NXPE1: variants seen among roughly 807,000 people sequenced by gnomAD.
NXPE1 encodes NXPE family member 1.
A neutral mutation model predicts 33.3 loss-of-function variants in NXPE1; 31 were observed. That is an observed-to-expected ratio of 0.93 (90% CI 0.70 to 1.26). The LOEUF (loss-of-function observed/expected upper bound fraction) is 1.26. NXPE1 is among the 50% of genes most tolerant of loss of function. NXPE1 has a pLI of 0.00. For synonymous variants in NXPE1, 229 were observed against 231.4 expected, an observed-to-expected ratio of 0.99 and a Z score of 0.09; for missense variants, 661 against 655.6, an observed-to-expected ratio of 1.01 and a Z score of -0.09.
At chr11:114,528,986 C>T (rs117479043) in intron 6 of NXPE1, 3 of 427,660 alleles carry the variant, frequency 7.0e-6, no homozygotes, top group African/African-American at 5.9e-5. Flanking sequence ...AGAAGGGAGC[C>T]AGGGACTATA....
At chr11:114,555,040 C>CT (rs763356888) in intron 1 of NXPE1, among the ~76,000 whole-genome samples, 465 of 143,522 alleles carry the variant, frequency 3.2e-3, no homozygotes, top group African/African-American at 9.2e-3. Flanking sequence ...CTTGGGAGTC[C>CT]TTTTTTTTTT....
downstream of NXPE1, among the ~76,000 whole-genome samples, chr11:114,521,245 C>T (rs7103804): frequency 1.4e-3 from 212 of 152,324 alleles, no homozygotes; most frequent in African/African-American, 4.8e-3. Context: ...ACTCCACTTA[C>T]GACACATGAG....
At chr11:114,558,830 C>T (rs1591314575) in intron 1 of NXPE1, among the ~76,000 whole-genome samples, 1 of 152,162 alleles carries the variant, frequency 6.6e-6, no homozygotes. Flanking sequence ...ATTCTGGATA[C>T]ATCACAGAGG....
chr11:114,537,664 G>T (rs1442122438), intron 5 of NXPE1, among the ~76,000 whole-genome samples: 1 of 152,078 alleles, frequency 6.6e-6, no homozygotes, highest in Non-Finnish European at 1.5e-5. Flanking sequence ...CAAATCATGA[G>T]TGAACTCCCA....
intron 1 of NXPE1, among the ~76,000 whole-genome samples, chr11:114,553,152 C>T (rs1387188067): frequency 1.3e-5 from 2 of 152,130 alleles, no homozygotes; most frequent in African/African-American, 4.8e-5. Flanking sequence ...GTTCTTTCCT[C>T]AATCGTTTTC....
intron 5 of NXPE1, among the ~76,000 whole-genome samples, chr11:114,536,436 G>C (rs1332030085): frequency 6.6e-6 from 1 of 152,172 alleles, no homozygotes; most frequent in African/African-American, 2.4e-5. Flanking sequence ...TAAGATCAGA[G>C]CAGGACTGAA....
In NXPE1 at chr11:114,532,259, GA is replaced by G. The variant is rs201814693; in HGVS notation, c.100-1352del. Reference sequence around the variant, plus strand: ...TGAACAGAACCCACATTGAAGTTTTGAAAAAACCTTGGCAAAGCCAAAAGAC... The same window carrying G: ...TGAACAGAACCCACATTGAAGTTTTGAAAAACCTTGGCAAAGCCAAAAGAC... On this transcript the variant is annotated intron_variant, in intron 5 of 8. Coordinates refer to ENST00000534921, the Ensembl canonical transcript of NXPE1. Among the ~76,000 whole-genome samples the G allele has an allele frequency of 5.5e-3, 831 of 152,210 alleles. 16 individuals carry two copies. Among genetic ancestry groups the G allele is most frequent in the African/African-American group, 0.019 (798 of 41,544 alleles).
At chr11:114,529,610 C>G (rs1335958203) in intron 6 of NXPE1, 1 of 153,396 alleles carries the variant, frequency 6.5e-6, no homozygotes, top group East Asian at 1.9e-4. Context: ...AAGAAGGACT[C>G]CTCCACCCTG....
intron 5 of NXPE1, among the ~76,000 whole-genome samples, chr11:114,549,638 A>G (rs893027236): frequency 5.9e-5 from 9 of 152,098 alleles, no homozygotes; most frequent in African/African-American, 1.9e-4. Flanking sequence ...TACTTAAGGG[A>G]AACACTAAAG....
chr11:114,544,599 T>C (rs1313733196), intron 5 of NXPE1, among the ~76,000 whole-genome samples: 1 of 152,100 alleles, frequency 6.6e-6, no homozygotes, highest in African/African-American at 2.4e-5. Flanking sequence ...CAGACCTAAA[T>C]AAATATAAAA....
chr11:114,559,625 T>C (rs955282612), intron 1 of NXPE1, among the ~76,000 whole-genome samples, 173 bp downstream of exon 1: 8 of 152,260 alleles, frequency 5.3e-5, no homozygotes, highest in African/African-American at 1.9e-4. Flanking sequence ...TTTTTTTGTT[T>C]CCCACACTTT....
intron 5 of NXPE1, among the ~76,000 whole-genome samples, chr11:114,545,418 A>G (rs974238759): frequency 1.3e-5 from 2 of 152,098 alleles, no homozygotes; most frequent in Admixed American, 6.5e-5. Flanking sequence ...ATGCAACAAC[A>G]TAGGTGAATC....
At chr11:114,551,143 A>G (rs902644724) in exon 5 of NXPE1, 53 of 1,533,620 alleles carry the variant, frequency 3.5e-5, no homozygotes, top group Non-Finnish European at 4.4e-5. Flanking sequence ...CATCCAGGTT[A>G]CTACTGAAAA....
intron 5 of NXPE1, among the ~76,000 whole-genome samples, chr11:114,540,021 C>G (rs1026798617): frequency 6.6e-6 from 1 of 152,192 alleles, no homozygotes; most frequent in Non-Finnish European, 1.5e-5. Flanking sequence ...CTTATGACCT[C>G]ACATCAGTAA....
chr11:114,546,458 A>G, intron 5 of NXPE1, among the ~76,000 whole-genome samples: 1 of 130,814 alleles, frequency 7.6e-6, no homozygotes, highest in Non-Finnish European at 1.6e-5. Context: ...ACATATATAT[A>G]TTTTTTCTTT....
intron 1 of NXPE1, among the ~76,000 whole-genome samples, chr11:114,559,244 A>G (rs1473398737): frequency 3.3e-5 from 5 of 152,172 alleles, no homozygotes; most frequent in African/African-American, 1.2e-4. Context: ...CCCCTGCACC[A>G]ATCTAGACTC....
chr11:114,530,729 G>A (rs749509940), exon 6 of NXPE1: 68 of 1,614,076 alleles, frequency 4.2e-5, no homozygotes, highest in Non-Finnish European at 5.6e-5. Flanking sequence ...TGGTGGTGGT[G>A]TTCACATGGG....
At chr11:114,558,282 T>C (rs1948705501) in intron 1 of NXPE1, among the ~76,000 whole-genome samples, 2 of 152,158 alleles carry the variant, frequency 1.3e-5, no homozygotes, top group African/African-American at 2.4e-5. Context: ...CAAACAAATA[T>C]CTGTGGCTGA....
chr11:114,535,586 A>T (rs1947785650), intron 5 of NXPE1, among the ~76,000 whole-genome samples: 1 of 152,250 alleles, frequency 6.6e-6, no homozygotes, highest in Non-Finnish European at 1.5e-5. Context: ...GGATGGAGGA[A>T]GATCTACCAA....
Sources: gnomAD v4.1 joint callset for allele counts (sites outside exome capture counted in the v4.1 genomes callset) on GRCh38, gnomAD v4.1.1 for gene constraint, MANE v1.5 for transcripts, NCBI Gene and HGNC (gene_info 2026-07-23, HGNC 2026-07-21) for gene names.